The following RASA1 variants were observed in gnomAD, a reference collection of about 807,000 sequenced individuals.
The protein encoded by RASA1 is ras GTPase-activating protein 1.
In RASA1, 25 loss-of-function variants were observed where a neutral mutation model predicts 132.2. That is an observed-to-expected ratio of 0.19 (90% CI 0.14 to 0.26). The LOEUF (loss-of-function observed/expected upper bound fraction) is 0.26. Ranked by LOEUF, RASA1 falls within the 10% of genes least tolerant of loss-of-function variation. RASA1 has a pLI of 1.00. For missense variants in RASA1, 964 were observed against 1,299.2 expected, an observed-to-expected ratio of 0.74 and a Z score of 3.97; for synonymous variants, 477 against 449.9, an observed-to-expected ratio of 1.06 and a Z score of -0.76.
At position 87,369,861 on chromosome 5, in the gene RASA1, C is replaced by T. The variant is rs747745016; in HGVS notation, c.1659C>T (p.Tyr553=). 1 of 1,612,244 alleles carries T rather than the reference C, an allele frequency of 6.2e-7. No homozygotes were observed. The highest frequency in any genetic ancestry group is 1.1e-5 in the South Asian group (1 of 90,998). ...TTCAGCACTTTAGTGAAGAACATTACATCTTTTACTTTGCAGGAGAAACTC... is the reference window on the plus strand; with the variant it reads ...TTCAGCACTTTAGTGAAGAACATTATATCTTTTACTTTGCAGGAGAAACTC... ...IVVQHFSEEH[Y]IFYFAGETPE... The change falls in exon 12 of 25, where the codon TAC becomes TAT. Residue 553 remains tyrosine, a synonymous_variant. Transcript: ENST00000274376.
chr5:87,270,774 C>G (rs1359301595), intron 1 of RASA1, among the ~76,000 whole-genome samples: 1 of 144,996 alleles, frequency 6.9e-6, no homozygotes, highest in African/African-American at 2.6e-5. Flanking sequence ...AAGGCTACAT[C>G]TTTTGATACT....
chr5:87,303,504 A>G (rs1024439743), intron 1 of RASA1, among the ~76,000 whole-genome samples: 3 of 152,052 alleles, frequency 2.0e-5, no homozygotes, highest in African/African-American at 7.2e-5. Context: ...CGTGTCACAA[A>G]TTGTTATATG....
intron 6 of RASA1, among the ~76,000 whole-genome samples, chr5:87,342,967 A>T (rs1758589926): frequency 6.6e-6 from 1 of 152,206 alleles, no homozygotes; most frequent in Admixed American, 6.5e-5. Context: ...AAGTCTTTTT[A>T]TCTGATAGCA....
At chr5:87,372,584 CT>C (rs1385521910) in intron 13 of RASA1, among the ~76,000 whole-genome samples, 1 of 152,110 alleles carries the variant, frequency 6.6e-6, no homozygotes, top group Non-Finnish European at 1.5e-5. Context: ...TGAAGAACAG[CT>C]TTTAAAACCT....
intron 11 of RASA1, 143 bp downstream of exon 11, chr5:87,363,647 T>C: frequency 1.2e-6 from 1 of 851,746 alleles, no homozygotes; most frequent in Non-Finnish European, 1.9e-6. Flanking sequence ...CCTTCCTTGC[T>C]TAATTGTAGA....
intron 7 of RASA1, among the ~76,000 whole-genome samples, chr5:87,348,280 G>C (rs998277884): frequency 6.6e-6 from 1 of 151,750 alleles, no homozygotes; most frequent in African/African-American, 2.4e-5. Flanking sequence ...TGGATGATTG[G>C]AACTATTAGT....
At chr5:87,385,874 A>G (rs1762029119) in intron 22 of RASA1, among the ~76,000 whole-genome samples, 1 of 152,008 alleles carries the variant, frequency 6.6e-6, no homozygotes, top group African/African-American at 2.4e-5. Flanking sequence ...TAACTCTTTC[A>G]CTATTCTTAA....
chr5:87,321,679 C>G (rs562487819), intron 1 of RASA1, among the ~76,000 whole-genome samples: 8 of 152,364 alleles, frequency 5.3e-5, no homozygotes, highest in African/African-American at 1.9e-4. Context: ...GCCTCTGTTT[C>G]CGTGGAGTTA....
intron 5 of RASA1, among the ~76,000 whole-genome samples, chr5:87,339,749 A>G (rs1003956195): frequency 7.9e-5 from 12 of 152,298 alleles, no homozygotes; most frequent in African/African-American, 2.9e-4. Flanking sequence ...CTAAAAATGA[A>G]TATAGTAACA....
chr5:87,349,708 T>C (rs1308742359), intron 8 of RASA1, among the ~76,000 whole-genome samples: 1 of 151,878 alleles, frequency 6.6e-6, no homozygotes, highest in African/African-American at 2.4e-5. Flanking sequence ...ATCAGTGAGA[T>C]ACTTTAGTAG....
intron 1 of RASA1, among the ~76,000 whole-genome samples, chr5:87,270,560 T>A (rs899063236): frequency 6.7e-6 from 1 of 149,366 alleles, no homozygotes; most frequent in Non-Finnish European, 1.5e-5. Flanking sequence ...ATGGCCAAAC[T>A]GATGTCGAAC....
chr5:87,391,735 A>T lies in RASA1; in HGVS notation c.*852A>T, dbSNP rs182603054. 4.3e-6 allele frequency: 1 copy of T among 232,644 alleles called. No individual in the cohort carries two copies. The highest frequency in any genetic ancestry group is 6.1e-5 in the East Asian group (1 of 16,318). 14.4% of individuals were successfully genotyped at this position (232,644 alleles called of 1,614,324 possible). Reference sequence around the variant, plus strand: ...AAGTTATTTGTTCATTATTTGTGCTACCCCTTTGATTATGCAGACAACCTC... The same window carrying T: ...AAGTTATTTGTTCATTATTTGTGCTTCCCCTTTGATTATGCAGACAACCTC... On this transcript the variant is annotated 3_prime_UTR_variant, in exon 25 of 25. Coordinates refer to ENST00000274376, the MANE Select transcript of RASA1 (RefSeq NM_002890.3).
At position 87,390,777 on chromosome 5, in the gene RASA1, C is replaced by A. The variant is rs1336177968; in HGVS notation, c.3061-23C>A. 5.0e-6 allele frequency: 8 copies of A among 1,586,298 alleles called. No homozygotes were observed. The South Asian group carries it at 6.6e-5, about 13-fold the overall frequency. On this transcript the variant is annotated intron_variant, in intron 24 of 24. Transcript: ENST00000274376. ...TGCTGACCGAGCTTTCATTTATTTTCATACCATTTTTCCTCTGTCTAGCAC... is the reference window on the plus strand; with the variant it reads ...TGCTGACCGAGCTTTCATTTATTTTAATACCATTTTTCCTCTGTCTAGCAC...
At chr5:87,333,404 TG>T in intron 4 of RASA1, 67 bp downstream of exon 4, 1 of 1,589,936 alleles carries the variant, frequency 6.3e-7, no homozygotes, top group Non-Finnish European at 8.5e-7. Flanking sequence ...TTATTACTCT[TG>T]GACTAGGAAG....
intron 1 of RASA1, among the ~76,000 whole-genome samples, chr5:87,328,663 C>T (rs1307235698): frequency 6.6e-6 from 1 of 152,044 alleles, no homozygotes; most frequent in Admixed American, 6.5e-5. Flanking sequence ...TTCTTGGCTA[C>T]TGGGGCTAAT....
In RASA1 at chr5:87,286,492, TA is replaced by T. The variant is rs879676477; in HGVS notation, c.539+17512del. Among the ~76,000 whole-genome samples the T allele has an allele frequency of 6.2e-3, 919 of 148,134 alleles. 6 individuals are homozygous for T. The highest frequency in any genetic ancestry group is 0.023 in the South Asian group (108 of 4,716). ...ACAGAGCTTATGTGTATATTTAAAT[TA>T]AAAAAAAAACTGCAAAGGTTTAATG... On this transcript the variant is annotated intron_variant, in intron 1 of 24. Coordinates refer to ENST00000274376, the MANE Select transcript of RASA1 (RefSeq NM_002890.3).
intron 7 of RASA1, among the ~76,000 whole-genome samples, chr5:87,348,205 T>C (rs1293064469): frequency 3.9e-5 from 6 of 152,080 alleles, no homozygotes; most frequent in Non-Finnish European, 7.4e-5. Flanking sequence ...CCTTGAAGAT[T>C]CAGTTTAAGG....
intron 1 of RASA1, among the ~76,000 whole-genome samples, chr5:87,328,250 T>C (rs1757374179): frequency 6.6e-6 from 1 of 152,174 alleles, no homozygotes; most frequent in Non-Finnish European, 1.5e-5. Context: ...CATGTTACAC[T>C]CAGAGTATTC....
intron 6 of RASA1, among the ~76,000 whole-genome samples, chr5:87,343,973 AC>A (rs1315952639): frequency 1.6e-4 from 25 of 152,218 alleles, no homozygotes; most frequent in Admixed American, 5.9e-4. Context: ...GCACAGAAAG[AC>A]AAATACCATG....
Sources: gnomAD v4.1 joint callset for allele counts (sites outside exome capture counted in the v4.1 genomes callset) on GRCh38, gnomAD v4.1.1 for gene constraint, MANE v1.5 for transcripts, NCBI Gene and HGNC (gene_info 2026-07-23, HGNC 2026-07-21) for gene names.